Variants in ETV4 observed in about 807,000 individuals in gnomAD.
ETV4 encodes the protein ETS translocation variant 4.
ETV4 carries 42 observed loss-of-function variants against 65.9 expected under a neutral mutation model. The observed-to-expected ratio is 0.64, with a 90% CI of 0.50 to 0.82. ETV4 has a LOEUF of 0.82. Ranked by LOEUF, ETV4 falls within the 40% of genes least tolerant of loss-of-function variation. The pLI is 0.00. For missense variants in ETV4, 583 were observed against 630.3 expected, an observed-to-expected ratio of 0.92 and a Z score of 0.80; for synonymous variants, 238 against 260.0, an observed-to-expected ratio of 0.92 and a Z score of 0.81.
intron 12 of ETV4, 38 bp from the exon 13 acceptor site, chr17:43,528,781 C>T (rs747479682): frequency 5.1e-5 from 81 of 1,578,242 alleles, no homozygotes; most frequent in African/African-American, 1.1e-4. Flanking sequence ...CCTGGCTAGC[C>T]GCCCAGCCTT....
intron 4 of ETV4, among the ~76,000 whole-genome samples, chr17:43,541,732 G>C (rs1971533291): frequency 6.6e-6 from 1 of 152,118 alleles, no homozygotes; most frequent in Non-Finnish European, 1.5e-5. Flanking sequence ...GCTCCATTGT[G>C]TCACCGCTGT....
chr17:43,528,656 G>A lies in ETV4; in HGVS notation c.1318C>T (p.Leu440Phe). 2.5e-6 allele frequency: 4 copies of A among 1,614,212 alleles called. No homozygotes were observed. The highest frequency in any genetic ancestry group is 3.4e-6 in the Non-Finnish European group (4 of 1,180,044). Residue 440 changes from leucine to phenylalanine, a missense_variant, in exon 13 of 13, where the codon CTC becomes TTC. By Grantham distance (22) the Leu-to-Phe change is conservative. Coordinates refer to ENST00000319349, the MANE Select transcript of ETV4 (RefSeq NM_001079675.5). ...ACAGGCCGGTCAAACTCAGCCTTGA[G>A]AGCTGGACGCTGATTGTCCGGGAAG... ...LAFPDNQRPA[L>F]KAEFDRPVSE... is the part of the protein sequence containing the mutation.
At position 43,528,063 on chromosome 17, in the gene ETV4, G is replaced by A. The variant is rs975957389; in HGVS notation, c.*456C>T. 9 of 234,946 alleles carry A rather than the reference G, an allele frequency of 3.8e-5. No individual in the cohort carries two copies. Among genetic ancestry groups the A allele is most frequent in the Middle Eastern group, 1.2e-3 (1 of 814 alleles). The allele number at this position is 234,946 out of a possible 1,614,324, so 14.6% of individuals were successfully genotyped here. On this transcript the variant is annotated 3_prime_UTR_variant, in exon 13 of 13. Coordinates refer to ENST00000319349, the MANE Select transcript of ETV4 (RefSeq NM_001079675.5). ...ACAGAGCACCAAGAACTGACAAACC[G>A]GGACCCTCCAGGGCCACAGCGTGGG...
At chr17:43,529,342 AGC>A in intron 11 of ETV4, 106 bp from the exon 12 acceptor site, 2 of 1,407,422 alleles carry the variant, frequency 1.4e-6, no homozygotes, top group Admixed American at 1.8e-5. Context: ...GTGCCAAGCT[AGC>A]TCTGCAACAA....
intron 4 of ETV4, among the ~76,000 whole-genome samples, chr17:43,542,484 C>A (rs1370659282): frequency 1.3e-5 from 2 of 152,134 alleles, no homozygotes; most frequent in East Asian, 3.9e-4. Flanking sequence ...CATAGCCAGA[C>A]ACATATTGGG....
At chr17:43,531,173 T>A (rs1970914888) in intron 8 of ETV4, among the ~76,000 whole-genome samples, 1 of 152,124 alleles carries the variant, frequency 6.6e-6, no homozygotes, top group Non-Finnish European at 1.5e-5. Flanking sequence ...TGAACGGTTG[T>A]GGGCACCACA....
intron 4 of ETV4, among the ~76,000 whole-genome samples, chr17:43,543,095 C>T (rs1004394578): frequency 3.3e-5 from 5 of 151,964 alleles, no homozygotes; most frequent in African/African-American, 1.2e-4. Flanking sequence ...CAGCATCCCC[C>T]CCTCAGACCT....
At chr17:43,545,826 ACTCCC>A in intron 1 of ETV4, 158 bp from the exon 2 acceptor site, 1 of 595,760 alleles carries the variant, frequency 1.7e-6, no homozygotes. Flanking sequence ...CGCCACCACC[ACTCCC>A]CTCCCGCCAA....
chr17:43,535,546 G>C (rs532419033), intron 5 of ETV4, among the ~76,000 whole-genome samples: 1 of 152,248 alleles, frequency 6.6e-6, no homozygotes, highest in East Asian at 1.9e-4. Flanking sequence ...CAAAGTGCTG[G>C]GATTACAGGC....
intron 8 of ETV4, chr17:43,530,492 G>T: frequency 8.0e-7 from 1 of 1,250,644 alleles, no homozygotes; most frequent in Non-Finnish European, 1.0e-6. Context: ...TTCAGGGGGA[G>T]GAGGGAGGGT....
At chr17:43,533,828 T>C (rs758171529) in intron 6 of ETV4, 31 bp downstream of exon 6, 18 of 1,604,958 alleles carry the variant, frequency 1.1e-5, no homozygotes, top group Non-Finnish European at 1.5e-5. Context: ...ACCCTTCTCC[T>C]ACCCTTCACC....
intron 7 of ETV4, 29 bp from the exon 8 acceptor site, chr17:43,532,968 G>C (rs1366842200): frequency 1.3e-6 from 2 of 1,534,246 alleles, no homozygotes; most frequent in East Asian, 4.5e-5. Flanking sequence ...AGAAGGAAGA[G>C]AAGAGAACTT....
At position 43,528,676 on chromosome 17, in the gene ETV4, G is replaced by C; in HGVS notation, c.1298C>G (p.Pro433Arg). 7 of 1,614,184 alleles carry C rather than the reference G, an allele frequency of 4.3e-6. No individual in the cohort carries two copies. The highest frequency in any genetic ancestry group is 5.9e-6 in the Non-Finnish European group (7 of 1,180,040). The change falls in exon 13 of 13, where the codon CCG becomes CGG. Residue 433 changes from proline (P) to arginine (R), a missense_variant. Pro to Arg is a moderately radical substitution (Grantham distance 103, BLOSUM62 -2). Coordinates refer to ENST00000319349, the MANE Select transcript of ETV4 (RefSeq NM_001079675.5). ...EPEALFSLAF[P>R]DNQRPALKAE... Reference sequence around the variant, plus strand: ...CTTGAGAGCTGGACGCTGATTGTCCGGGAAGGCCAAAGAGAAGAGGGCCTC... The same window carrying C: ...CTTGAGAGCTGGACGCTGATTGTCCCGGAAGGCCAAAGAGAAGAGGGCCTC...
At chr17:43,534,122 T>G in intron 5 of ETV4, 137 bp from the exon 6 acceptor site, 1 of 927,486 alleles carries the variant, frequency 1.1e-6, no homozygotes, top group Non-Finnish European at 1.5e-6. Context: ...ATCAATTTTC[T>G]GAGACCCGCA....
rs531139204 is a variant in ETV4 at position 43,545,934 on chromosome 17, CGTGTGTGTGT to C, written c.-52+241_-52+250del. ...TTACCCGGGCTCGGTTACATAAGAA[CGTGTGTGTGT>C]GTGTGTGTGTGTGTGTGTGTGTGTG... On this transcript the variant is annotated intron_variant, in intron 1 of 12. Coordinates refer to ENST00000319349, the MANE Select transcript of ETV4 (RefSeq NM_001079675.5). 613 of 263,348 alleles carry C rather than the reference CGTGTGTGTGT, an allele frequency of 2.3e-3. 3 individuals carry two copies. Among genetic ancestry groups the C allele is most frequent in the African/African-American group, 0.01 (390 of 38,036 alleles). 16.3% of individuals were successfully genotyped at this position (263,348 alleles called of 1,614,324 possible).
At chr17:43,532,218 G>A (rs983924840) in intron 8 of ETV4, among the ~76,000 whole-genome samples, 1 of 152,180 alleles carries the variant, frequency 6.6e-6, no homozygotes, top group Non-Finnish European at 1.5e-5. Flanking sequence ...GTAATAATTT[G>A]TCCGGGTGAG....
At chr17:43,539,704 CCAT>C (rs1598212888) in intron 4 of ETV4, among the ~76,000 whole-genome samples, 1 of 152,168 alleles carries the variant, frequency 6.6e-6, no homozygotes, top group East Asian at 1.9e-4. Context: ...GAGATCCTGA[CCAT>C]CCTAGCCCTT....
At chr17:43,528,891 C>G in intron 12 of ETV4, 148 bp from the exon 13 acceptor site, 2 of 711,156 alleles carry the variant, frequency 2.8e-6, no homozygotes, top group Non-Finnish European at 4.7e-6. Context: ...GAGAAGCTGA[C>G]TCTCCCTTCA....
Position 43,543,233 on chromosome 17 carries a change from G to T in ETV4, c.202+1742C>A, listed in dbSNP as rs1971613666. 2.0e-5 allele frequency among the ~76,000 whole-genome samples: 3 copies of T among 146,618 alleles called. No individual in the cohort carries two copies. The South Asian group carries it at 6.7e-4, about 33-fold the overall frequency. On this transcript the variant is annotated intron_variant, in intron 4 of 12. Coordinates refer to ENST00000319349, the MANE Select transcript of ETV4 (RefSeq NM_001079675.5). ...CCCCACCCCACCTCCCCACCCACTGGATTTAAATGTACAGGGCAGCAGCAT... is the reference window on the plus strand; with the variant it reads ...CCCCACCCCACCTCCCCACCCACTGTATTTAAATGTACAGGGCAGCAGCAT...
Sources: allele counts gnomAD v4.1 joint callset (sites outside exome capture counted in the v4.1 genomes callset), GRCh38; gene constraint gnomAD v4.1.1; transcripts MANE v1.5; gene names NCBI Gene and HGNC (gene_info 2026-07-23, HGNC 2026-07-21).